CPLANE1: variants seen among roughly 807,000 people sequenced by gnomAD.
The protein encoded by CPLANE1 is ciliogenesis and planar polarity effector 1.
CPLANE1 carries 263 observed loss-of-function variants against 362.5 expected under a neutral mutation model. The ratio of observed to expected loss-of-function variants is 0.73; its 90% CI spans 0.66 to 0.80. The LOEUF is 0.80. CPLANE1 is among the 30% of genes least tolerant of loss of function. The pLI, the probability that CPLANE1 is intolerant of heterozygous loss-of-function variation, is 0.00. For missense variants in CPLANE1, 3,461 were observed against 3,793.4 expected (o/e 0.91, Z 2.30); for synonymous variants, 1,212 against 1,302.6 (o/e 0.93, Z 1.50).
At chr5:37,232,932 T>C (rs1452230086) in intron 8 of CPLANE1, among the ~76,000 whole-genome samples, 1 of 149,320 alleles carries the variant, frequency 6.7e-6, no homozygotes, top group Non-Finnish European at 1.5e-5. Flanking sequence ...AGAGGAACCA[T>C]GGACTGTCCA....
intron 42 of CPLANE1, among the ~76,000 whole-genome samples, chr5:37,149,655 C>T (rs550664845): frequency 2.6e-5 from 4 of 152,036 alleles, no homozygotes; most frequent in Non-Finnish European, 4.4e-5. Context: ...TAAAATGCAA[C>T]GATTATAACA....
At chr5:37,145,046 C>T (rs1771109313) in intron 43 of CPLANE1, among the ~76,000 whole-genome samples, 1 of 152,046 alleles carries the variant, frequency 6.6e-6, no homozygotes, top group Non-Finnish European at 1.5e-5. Flanking sequence ...TGGCTCACGC[C>T]TGTAATCCCA....
rs752475697 is a variant in CPLANE1, at chr5:37,107,338, T to C, written c.*264A>G. On this transcript the variant is annotated 3_prime_UTR_variant, in exon 53 of 53. Coordinates refer to ENST00000651892, the MANE Select transcript of CPLANE1 (RefSeq NM_001384732.1). ...ATGCAAACTTGGCTTGAAAGGTACT[T>C]ATCATTTTAAAAATTATGCCTAATG... 1.7e-6 allele frequency: 2 copies of C among 1,180,474 alleles called. No individual in the cohort carries two copies. The highest frequency in any genetic ancestry group is 2.1e-6 in the Non-Finnish European group (2 of 955,912). 73.1% of individuals were successfully genotyped at this position (1,180,474 alleles called of 1,614,324 possible).
chr5:37,212,394 C>G (rs936801370), intron 16 of CPLANE1: 1 of 796,242 alleles, frequency 1.3e-6, no homozygotes. Context: ...ATGTTTGCTG[C>G]CCAGCTTCTA....
chr5:37,141,148 A>G lies in CPLANE1; in HGVS notation c.8632+1162T>C. ...ACTAGCCAGGCCCTCATTATTTCCC[A>G]GGTCAGATTTTAGTAGCCTCCTCAG... On this transcript the variant is annotated intron_variant, in intron 44 of 52. Coordinates refer to ENST00000651892, the MANE Select transcript of CPLANE1 (RefSeq NM_001384732.1). 5 of 985,298 alleles carry G rather than the reference A, an allele frequency of 5.1e-6. No individual in the cohort carries two copies. In the South Asian group the frequency reaches 2.3e-4, roughly 46 times the overall value. 61.0% of individuals were successfully genotyped at this position (985,298 alleles called of 1,614,324 possible). A position where few individuals can be genotyped will look rare whatever the true frequency, so the allele number is the denominator to read the frequency against.
chr5:37,223,596 C>G (rs1795810727), intron 14 of CPLANE1, among the ~76,000 whole-genome samples: 1 of 152,164 alleles, frequency 6.6e-6, no homozygotes, highest in Admixed American at 6.5e-5. Context: ...AGCTGAGAAC[C>G]TCTGTCATCT....
chr5:37,210,793 C>T, intron 16 of CPLANE1: 1 of 1,195,924 alleles, frequency 8.4e-7, no homozygotes, highest in Non-Finnish European at 1.3e-6. Flanking sequence ...CAGCTGGCTC[C>T]TGAACTTGCG....
intron 12 of CPLANE1, 73 bp from the exon 13 acceptor site, chr5:37,224,813 ATTT>A: frequency 2.7e-6 from 2 of 752,750 alleles, no homozygotes; most frequent in Non-Finnish European, 3.9e-6. Flanking sequence ...TTTTTAGCCT[ATTT>A]TTTTTTTTGC....
intron 46 of CPLANE1, among the ~76,000 whole-genome samples, chr5:37,126,710 T>C (rs919026886): frequency 1.3e-5 from 2 of 152,130 alleles, no homozygotes; most frequent in African/African-American, 4.8e-5. Context: ...AAAATGGGGA[T>C]TTGGGGCAAG....
intron 51 of CPLANE1, among the ~76,000 whole-genome samples, chr5:37,110,212 T>G (rs1758750749): frequency 6.6e-6 from 1 of 152,162 alleles, no homozygotes; most frequent in African/African-American, 2.4e-5. Context: ...ACTCCTTGCC[T>G]TAGCCTACAG....
At chr5:37,201,314 C>T (rs1210165685) in intron 19 of CPLANE1, among the ~76,000 whole-genome samples, 2 of 151,742 alleles carry the variant, frequency 1.3e-5, no homozygotes, top group African/African-American at 2.4e-5. Context: ...ACTATATGTC[C>T]CAGGTCCTGA....
the CPLANE1 span, among the ~76,000 whole-genome samples, chr5:37,080,019 A>G: frequency 6.6e-6 from 1 of 152,220 alleles, no homozygotes; most frequent in Non-Finnish European, 1.5e-5. Context: ...ACTTTGAGCA[A>G]AGCTGGCAGA....
At chr5:37,139,833 G>C in intron 44 of CPLANE1, 2 of 985,732 alleles carry the variant, frequency 2.0e-6, no homozygotes, top group South Asian at 4.7e-5. Context: ...TACAGGCATG[G>C]GCCATCGCAC....
chr5:37,213,138 G>A (rs569648830), intron 16 of CPLANE1, among the ~76,000 whole-genome samples: 12 of 152,184 alleles, frequency 7.9e-5, no homozygotes, highest in Non-Finnish European at 1.5e-4. Flanking sequence ...AACCCAGGAG[G>A]TGGAGGTTGC....
At chr5:37,215,739 CTTTTTT>C (rs567527656) in intron 15 of CPLANE1, among the ~76,000 whole-genome samples, 383 of 95,198 alleles carry the variant, frequency 4.0e-3, no homozygotes, top group African/African-American at 0.014. Flanking sequence ...CTTCTCTTTC[CTTTTTT>C]TTTTTTTTTT....
Position 37,196,014 on chromosome 5 carries a change from C to A in CPLANE1, c.3673-18G>T. 1 of 1,580,810 alleles carries A rather than the reference C, an allele frequency of 6.3e-7. No individual in the cohort carries two copies. The highest frequency in any genetic ancestry group is 8.6e-7 in the Non-Finnish European group (1 of 1,167,178). ...ATTCGAATCTAAAAGTAAAGAATAA[C>A]CGAACATGTTAATTATCAGCTGTAT... is the stretch of plus-strand genomic sequence containing the variant. On this transcript the variant is annotated intron_variant, in intron 20 of 52. Coordinates refer to ENST00000651892, the MANE Select transcript of CPLANE1 (RefSeq NM_001384732.1).
chr5:37,183,825 T>C, intron 25 of CPLANE1, 126 bp from the exon 26 acceptor site: 1 of 638,370 alleles, frequency 1.6e-6, no homozygotes, highest in South Asian at 2.3e-5. Context: ...CTCAATTACC[T>C]ACATTTCAAA....
intron 34 of CPLANE1, among the ~76,000 whole-genome samples, chr5:37,168,489 A>G (rs1423505599): frequency 6.6e-6 from 1 of 150,474 alleles, no homozygotes; most frequent in Non-Finnish European, 1.5e-5. Flanking sequence ...GAAAGACCTA[A>G]AACCTTTAAA....
At chr5:37,141,812 A>G in intron 44 of CPLANE1, 3 of 976,350 alleles carry the variant, frequency 3.1e-6, no homozygotes, top group Non-Finnish European at 3.7e-6. Flanking sequence ...AAATAAAACA[A>G]AAAGTGGCAC....
Sources: gnomAD v4.1 joint callset for allele counts (sites outside exome capture counted in the v4.1 genomes callset) on GRCh38, gnomAD v4.1.1 for gene constraint, MANE v1.5 for transcripts, NCBI Gene and HGNC (gene_info 2026-07-23, HGNC 2026-07-21) for gene names.